TSPAN1: variants seen among roughly 807,000 people sequenced by gnomAD.
The protein encoded by TSPAN1 is tetraspanin 1.
In TSPAN1, 23 loss-of-function variants were observed where a neutral mutation model predicts 26.9. The ratio of observed to expected loss-of-function variants is 0.85; its 90% CI spans 0.62 to 1.21. The LOEUF (loss-of-function observed/expected upper bound fraction) is 1.21, where lower values mean the gene tolerates loss of function less well. Among genes scored for constraint, TSPAN1 ranks in the 50% most tolerant of loss-of-function variants. The pLI, the probability that TSPAN1 is intolerant of heterozygous loss-of-function variation, is 0.00. For synonymous variants in TSPAN1, 115 were observed against 114.8 expected, an observed-to-expected ratio of 1.00 and a Z score of -0.01; for missense variants, 283 against 298.4, an observed-to-expected ratio of 0.95 and a Z score of 0.38.
In TSPAN1 at chr1:46,182,056, G is replaced by T. The variant is rs1298427911; in HGVS notation, c.57+892G>T. Among the ~76,000 whole-genome samples the T allele has an allele frequency of 3.3e-5, 5 of 151,806 alleles. No homozygotes were observed. The East Asian group carries it at 9.7e-4, about 29-fold the overall frequency. On this transcript the variant is annotated intron_variant, in intron 3 of 8. Coordinates refer to ENST00000372003, the MANE Select transcript of TSPAN1 (RefSeq NM_005727.4). ...GCTGAGGGGTAGAAGAAGGGGCAAG[G>T]GAGACAGAGGTCTTGGAGATGACGC...
rs1657416091 is a variant in TSPAN1 at position 46,185,724 on chromosome 1, C to T, written c.*191C>T. On this transcript the variant is annotated 3_prime_UTR_variant, in exon 9 of 9. Coordinates refer to ENST00000372003, the MANE Select transcript of TSPAN1 (RefSeq NM_005727.4). ...TTTAGGCGATGCCTGACTTTCCTTC[C>T]ATTGGTGGGTGGATGGGTGGGGGGC... The T allele has an allele frequency of 3.1e-6, 2 of 654,782 alleles. No homozygotes were observed. The highest frequency in any genetic ancestry group is 3.7e-5 in the South Asian group (2 of 53,990). The allele number at this position is 654,782 out of a possible 1,614,324, so 40.6% of individuals were successfully genotyped here.
chr1:46,196,033 G>A, the TSPAN1 span: 3 of 1,614,022 alleles, frequency 1.9e-6, no homozygotes, highest in Admixed American at 5.0e-5. This position sits in a 1 kb window ranked among gnomAD's most constrained non-coding sequence, Gnocchi z 4.4. Flanking sequence ...TGAGGACAAT[G>A]ACATGGATGC....
chr1:46,193,093 G>C, the TSPAN1 span: 1,080 of 1,607,614 alleles, frequency 6.7e-4, no homozygotes, highest in Admixed American at 2.2e-3. Flanking sequence ...GTGAGGGGAA[G>C]AGCTTGCCAC....
At position 46,184,550 on chromosome 1, in the gene TSPAN1, G is replaced by C. The variant is rs369022299; in HGVS notation, c.265-44G>C. The C allele has an allele frequency of 1.3e-4, 205 of 1,609,304 alleles. No homozygotes were observed. In the African/African-American group the frequency reaches 2.7e-3, roughly 21 times the overall value. ...GGGGATTAGGGCAAGGAGGGCATGAGGGACTGTCTCTCCCTAAAACCCAGA... is the reference window on the plus strand; with the variant it reads ...GGGGATTAGGGCAAGGAGGGCATGACGGACTGTCTCTCCCTAAAACCCAGA... On this transcript the variant is annotated intron_variant, in intron 4 of 8. Coordinates refer to ENST00000372003, the MANE Select transcript of TSPAN1 (RefSeq NM_005727.4).
rs1199146307 is a variant in TSPAN1, at chr1:46,184,883, G to C, written c.438G>C (p.Gly146=). ...AAGTGTGGAACACCACCATGAAAGG[G>C]GTAAGGTTGGCTGGGGGAGGTTTTA... is the stretch of plus-strand genomic sequence containing the variant. ...FTQVWNTTMK[G]LKCCGFTNYT... Residue 146 remains glycine (G), a splice_region_variant and synonymous_variant, in exon 6 of 9, where the codon GGG becomes GGC. Coordinates refer to ENST00000372003, the MANE Select transcript of TSPAN1 (RefSeq NM_005727.4). 1 of 1,614,066 alleles carries C rather than the reference G, an allele frequency of 6.2e-7. No homozygotes were observed. Among genetic ancestry groups the C allele is most frequent in the African/African-American group, 1.3e-5 (1 of 74,924 alleles).
chr1:46,193,886 T>C, the TSPAN1 span: 1 of 1,614,204 alleles, frequency 6.2e-7, no homozygotes, highest in Non-Finnish European at 8.5e-7. Flanking sequence ...TTCCCTGCAA[T>C]GACAGCCACA....
Position 46,185,864 on chromosome 1 carries a change from A to C in TSPAN1, c.*331A>C. The C allele has an allele frequency of 2.7e-6, 1 of 376,374 alleles. No individual in the cohort carries two copies. Among genetic ancestry groups the C allele is most frequent in the Non-Finnish European group, 4.8e-6 (1 of 206,576 alleles). The allele number at this position is 376,374 out of a possible 1,614,324, so 23.3% of individuals were successfully genotyped here. A position where few individuals can be genotyped will look rare whatever the true frequency, so the allele number is the denominator to read the frequency against. ...CAGTGCTCTACTGGGGGATGAGAGA[A>C]AGGCATTTTATAGCCTGGGCATAAG... On this transcript the variant is annotated 3_prime_UTR_variant, in exon 9 of 9. Coordinates refer to ENST00000372003, the MANE Select transcript of TSPAN1 (RefSeq NM_005727.4).
chr1:46,193,304 C>T, the TSPAN1 span: 2 of 1,613,750 alleles, frequency 1.2e-6, no homozygotes, highest in Admixed American at 1.7e-5. Context: ...CTATGCAGTA[C>T]CTGAGACACG....
the TSPAN1 span, chr1:46,193,138 C>A: frequency 6.7e-5 from 108 of 1,613,812 alleles, no homozygotes; most frequent in Middle Eastern, 1.7e-4. Context: ...ATGTTTCCCC[C>A]CTCCCAGGCC....
In TSPAN1 at chr1:46,184,661, C is replaced by G; in HGVS notation, c.332C>G (p.Thr111Ser). The change falls in exon 5 of 9, where the codon ACC becomes AGC. Residue 111 changes from threonine to serine, a missense_variant. Thr to Ser is a moderately conservative substitution (Grantham distance 58, BLOSUM62 1). Transcript: ENST00000372003. ...VAAAVVALVY[T>S]TMAEHFLTLL... ...GCTGCTGTGGTCGCCTTGGTGTACA[C>G]CACAATGGTGAGACACTGGGATGGA... 6.2e-7 allele frequency: 1 copy of G among 1,614,082 alleles called. No homozygotes were observed. The highest frequency in any genetic ancestry group is 8.5e-7 in the Non-Finnish European group (1 of 1,180,008).
the TSPAN1 span, chr1:46,193,434 T>C: frequency 6.2e-7 from 1 of 1,604,198 alleles, no homozygotes; most frequent in Non-Finnish European, 8.5e-7. Context: ...ACTTTCCCTC[T>C]GCCCACCTCT....
At chr1:46,177,510 G>GAAAGACTAGAGAGC (rs1557663376) in intron 1 of TSPAN1, among the ~76,000 whole-genome samples, 2 of 152,068 alleles carry the variant, frequency 1.3e-5, no homozygotes, top group Admixed American at 6.6e-5. Context: ...CTTGCACTTA[G>GAAAGACTAGAGAGC]AAAGACTAGA....
At chr1:46,191,037 A>G in the TSPAN1 span, 1 of 463,736 alleles carries the variant, frequency 2.2e-6, no homozygotes, top group Non-Finnish European at 4.1e-6. Flanking sequence ...CAGACCCATG[A>G]ACTAGCAGTC....
At chr1:46,195,641 C>T in the TSPAN1 span, 1 of 724,190 alleles carries the variant, frequency 1.4e-6, no homozygotes, top group Non-Finnish European at 2.5e-6. Flanking sequence ...ACAGCTGTTG[C>T]TCAATAACTA....
At chr1:46,192,155 G>A in the TSPAN1 span, 41 of 1,613,988 alleles carry the variant, frequency 2.5e-5, no homozygotes, top group Non-Finnish European at 3.1e-5. Context: ...ATCGGGAAAC[G>A]TCAGGGATGA....
Position 46,185,015 on chromosome 1 carries a change from A to G in TSPAN1, c.494A>G (p.Lys165Arg), listed in dbSNP as rs1368746875. The change falls in exon 7 of 9, where the codon AAA becomes AGA. Residue 165 changes from lysine (K) to arginine (R), a missense_variant. Lys to Arg is a conservative substitution (Grantham distance 26, BLOSUM62 2). Transcript: ENST00000372003. ...GATTTTGAGGACTCACCCTACTTCA[A>G]AGAGAACAGTGCCTTTCCCCCATTC... ...YTDFEDSPYFKENSAFPPFCC... is the reference protein window; with the variant it reads ...YTDFEDSPYFRENSAFPPFCC... 5 of 1,614,068 alleles carry G rather than the reference A, an allele frequency of 3.1e-6. No homozygotes were observed. The African/African-American group carries it at 6.7e-5, about 22-fold the overall frequency.
chr1:46,177,746 A>G (rs1170034093), intron 1 of TSPAN1, among the ~76,000 whole-genome samples: 1 of 152,238 alleles, frequency 6.6e-6, no homozygotes, highest in Non-Finnish European at 1.5e-5. Flanking sequence ...GCTCATGTCC[A>G]TGAATGACTG....
At chr1:46,179,849 T>A (rs1160698011) in intron 1 of TSPAN1, among the ~76,000 whole-genome samples, 14 of 151,064 alleles carry the variant, frequency 9.3e-5, no homozygotes. Flanking sequence ...GAATGTGAGG[T>A]TTCATGGAGG....
At chr1:46,194,791 T>C in the TSPAN1 span, 16 of 1,613,304 alleles carry the variant, frequency 9.9e-6, no homozygotes, top group Non-Finnish European at 1.4e-5. Flanking sequence ...CCTAGGGTTC[T>C]GCTCCTCCCA....
Sources: gnomAD v4.1 joint callset for allele counts (sites outside exome capture counted in the v4.1 genomes callset) on GRCh38, gnomAD v4.1.1 for gene constraint, Gnocchi (gnomAD v3.1) non-coding constraint, MANE v1.5 for transcripts, NCBI Gene and HGNC (gene_info 2026-07-23, HGNC 2026-07-21) for gene names.